Variants in PICK1 observed in about 807,000 individuals in gnomAD.
PICK1 encodes protein interacting with PRKCA 1.
Under a neutral mutation model 48.9 loss-of-function variants are expected in PICK1, and 23 were observed. The observed-to-expected ratio is 0.47, with a 90% CI of 0.34 to 0.67. The LOEUF (loss-of-function observed/expected upper bound fraction) is 0.67, where lower values mean the gene tolerates loss of function less well. Among genes scored for constraint, PICK1 ranks in the 30% least tolerant of loss-of-function variants. The pLI is 0.01. For missense variants in PICK1, 423 were observed against 557.1 expected (o/e 0.76, Z 2.42); for synonymous variants, 217 against 228.2 (o/e 0.95, Z 0.44).
chr22:38,057,992 A>G (rs376367422), intron 2 of PICK1, 142 bp downstream of exon 2: 8 of 740,160 alleles, frequency 1.1e-5, no homozygotes, highest in East Asian at 5.3e-5. Flanking sequence ...CTGCTCTCCC[A>G]GGAGCTCACT....
At chr22:38,068,731 T>C (rs1278546803) in intron 5 of PICK1, among the ~76,000 whole-genome samples, 1 of 152,196 alleles carries the variant, frequency 6.6e-6, no homozygotes, top group East Asian at 1.9e-4. Context: ...CCTCCTTGGC[T>C]TCCATTAGCC....
intron 4 of PICK1, chr22:38,067,364 C>T (rs2085554230): frequency 3.1e-6 from 1 of 319,976 alleles, no homozygotes; most frequent in South Asian, 2.5e-5. Flanking sequence ...GGCTGGAGTG[C>T]AATGGTGTGA....
At position 38,073,837 on chromosome 22, in the gene PICK1, G is replaced by C. The variant is rs1201867915; in HGVS notation, c.834+14G>C. On this transcript the variant is annotated intron_variant, in intron 11 of 12. Coordinates refer to ENST00000356976, the MANE Select transcript of PICK1 (RefSeq NM_012407.4). The surrounding 1 kb of genome is among the most constrained non-coding windows in gnomAD (Gnocchi z 5.7). ...TACAGCTGCATTGTGAGTGTTGGAG[G>C]GGGTGGGGGGCTTGTACTTCCCCCC... The C allele has an allele frequency of 1.2e-6, 2 of 1,612,634 alleles. No individual in the cohort carries two copies. The highest frequency in any genetic ancestry group is 3.3e-5 in the Admixed American group (2 of 60,004).
In PICK1 at chr22:38,074,376, C is replaced by T; in HGVS notation, c.904C>T (p.Gln302Ter). 1 of 1,613,044 alleles carries T rather than the reference C, an allele frequency of 6.2e-7. No homozygotes were observed. Among genetic ancestry groups the T allele is most frequent in the Non-Finnish European group, 8.5e-7 (1 of 1,179,970 alleles). ...GTACCGCCTGATCCTGCGCTGCCGC[C>T]AGGAGGCGCGCGCCCGCTTCTCCCA... The part of the protein sequence containing the change: ...YEYRLILRCR[Q>*]EARARFSQMR... Residue 302 changes from glutamine to a stop codon, truncating the protein, a stop_gained, in exon 12 of 13, where the codon CAG (glutamine) becomes TAG (stop). Transcript: ENST00000356976. LOFTEE classifies it high-confidence loss of function. This position sits in a 1 kb window ranked among gnomAD's most constrained non-coding sequence, Gnocchi z 4.5.
In PICK1 at chr22:38,075,521, T is replaced by G. The variant is rs1029925656; in HGVS notation, c.*389T>G. 3.3e-5 allele frequency: 7 copies of G among 210,244 alleles called. No homozygotes were observed. Among genetic ancestry groups the G allele is most frequent in the African/African-American group, 1.6e-4 (7 of 43,938 alleles). The allele number at this position is 210,244 out of a possible 1,614,324, so 13.0% of individuals were successfully genotyped here. A position where few individuals can be genotyped will look rare whatever the true frequency, so the allele number is the denominator to read the frequency against. On this transcript the variant is annotated 3_prime_UTR_variant, in exon 13 of 13. Coordinates refer to ENST00000356976, the MANE Select transcript of PICK1 (RefSeq NM_012407.4). The stretch of plus-strand genomic sequence containing the variant: ...AGCCTGCTGGGAGTGGGGCCAGCCG[T>G]GGACAGCTGAGGTTGGGGTCAATGC...
Position 38,073,392 on chromosome 22 carries a change from G to A in PICK1, c.783+300G>A, listed in dbSNP as rs971934247. Reference sequence around the variant, plus strand: ...GAGCATAAAATGGGTGTCAGTGAACGTTCGTGAGTTTTACATTTAATTATT... The same window carrying A: ...GAGCATAAAATGGGTGTCAGTGAACATTCGTGAGTTTTACATTTAATTATT... On this transcript the variant is annotated intron_variant, in intron 10 of 12. Transcript: ENST00000356976. This position sits in a 1 kb window ranked among gnomAD's most constrained non-coding sequence, Gnocchi z 5.7. 6.6e-6 allele frequency among the ~76,000 whole-genome samples: 1 copy of A among 152,228 alleles called. No individual in the cohort carries two copies. Among genetic ancestry groups the A allele is most frequent in the African/African-American group, 2.4e-5 (1 of 41,448 alleles).
chr22:38,068,580 A>G (rs1433893684), intron 5 of PICK1, among the ~76,000 whole-genome samples: 1 of 152,178 alleles, frequency 6.6e-6, no homozygotes, highest in Non-Finnish European at 1.5e-5. Flanking sequence ...GGTCAGATGC[A>G]GTAACTGAGT....
intron 4 of PICK1, among the ~76,000 whole-genome samples, chr22:38,065,947 C>T (rs1438131082): frequency 6.6e-6 from 1 of 152,106 alleles, no homozygotes; most frequent in Non-Finnish European, 1.5e-5. Context: ...TTCCATCCTC[C>T]GGGTTCTGGC....
chr22:38,075,291 G>A lies in PICK1; in HGVS notation c.*159G>A. ...CCTCGCACAGCGAACCTGGGCTCCT[G>A]CCCAGGACAGGCACCAGGGTCATGG... On this transcript the variant is annotated 3_prime_UTR_variant, in exon 13 of 13. Transcript: ENST00000356976. 1 of 691,378 alleles carries A rather than the reference G, an allele frequency of 1.4e-6. No homozygotes were observed. Among genetic ancestry groups the A allele is most frequent in the East Asian group, 2.7e-5 (1 of 36,580 alleles). The allele number at this position is 691,378 out of a possible 1,614,324, so 42.8% of individuals were successfully genotyped here. A position where few individuals can be genotyped will look rare whatever the true frequency, so the allele number is the denominator to read the frequency against.
chr22:38,065,335 G>T, intron 4 of PICK1: 1 of 570,250 alleles, frequency 1.8e-6, no homozygotes. Flanking sequence ...TCCAGGACTT[G>T]TGCTGAACCT....
rs1277590421 is a variant in PICK1 at position 38,074,304 on chromosome 22, C to CA, written c.835-2dup. 2 of 1,612,428 alleles carry CA rather than the reference C, an allele frequency of 1.2e-6. No individual in the cohort carries two copies. The highest frequency in any genetic ancestry group is 2.7e-5 in the African/African-American group (2 of 74,928). On this transcript the variant is annotated splice_polypyrimidine_tract_variant and splice_region_variant and intron_variant, in intron 11 of 12. Coordinates refer to ENST00000356976, the MANE Select transcript of PICK1 (RefSeq NM_012407.4). The surrounding 1 kb of genome is among the most constrained non-coding windows in gnomAD (Gnocchi z 4.5). ...AGGCACTCCTGTCCCACCCCCGCCC[C>CA]AGGCCCTAGGCGAGCCCCTTTACCG... is the stretch of plus-strand genomic sequence containing the variant.
Position 38,064,874 on chromosome 22 carries a change from G to A in PICK1, c.154-128G>A, listed in dbSNP as rs542894970. On this transcript the variant is annotated intron_variant, in intron 3 of 12. Transcript: ENST00000356976. ...CACTGCACTCCAGCCCGGGTGGTGA[G>A]ACGCTTTCTCAAAAAACGAGAGCAG... 542 of 1,095,652 alleles carry A rather than the reference G, an allele frequency of 4.9e-4. 1 individual carries two copies. The African/African-American group carries it at 7.7e-3, about 15-fold the overall frequency. 67.9% of individuals were successfully genotyped at this position (1,095,652 alleles called of 1,614,324 possible). A position where few individuals can be genotyped will look rare whatever the true frequency, so the allele number is the denominator to read the frequency against.
chr22:38,070,252 C>T (rs1022059410), intron 6 of PICK1, among the ~76,000 whole-genome samples: 1 of 152,246 alleles, frequency 6.6e-6, no homozygotes, highest in Non-Finnish European at 1.5e-5. Context: ...CCCTCACCAT[C>T]ACACTGCTGT....
intron 3 of PICK1, among the ~76,000 whole-genome samples, chr22:38,062,726 T>C (rs1186726374): frequency 6.6e-6 from 1 of 152,178 alleles, no homozygotes; most frequent in African/African-American, 2.4e-5. Context: ...GGATGTCAAT[T>C]TTTTGAGACC....
At position 38,057,459 on chromosome 22, in the gene PICK1, C is replaced by T; in HGVS notation, c.-186C>T. 1 of 353,824 alleles carries T rather than the reference C, an allele frequency of 2.8e-6. No homozygotes were observed. The highest frequency in any genetic ancestry group is 4.1e-5 in the Admixed American group (1 of 24,562). The allele number at this position is 353,824 out of a possible 1,614,324, so 21.9% of individuals were successfully genotyped here. On this transcript the variant is annotated 5_prime_UTR_variant, in exon 1 of 13. Transcript: ENST00000356976. The stretch of plus-strand genomic sequence containing the variant: ...CAGGTGGGTTCAGGTACCAGCCTGG[C>T]CGGGACCCGGCTGTGGGACCAACGC...
chr22:38,064,424 T>C (rs2085475752), intron 3 of PICK1, among the ~76,000 whole-genome samples: 2 of 152,192 alleles, frequency 1.3e-5, no homozygotes, highest in South Asian at 4.1e-4. Context: ...ATTGTTGAAA[T>C]GACTGTCCTT....
intron 3 of PICK1, among the ~76,000 whole-genome samples, chr22:38,064,555 A>G (rs2085479912): frequency 6.6e-6 from 1 of 151,784 alleles, no homozygotes; most frequent in African/African-American, 2.4e-5. Context: ...TGAGGTCGGG[A>G]GTTTGAGACC....
Position 38,062,544 on chromosome 22 carries a change from G to C in PICK1, c.154-2458G>C, listed in dbSNP as rs149610473. The stretch of plus-strand genomic sequence containing the variant: ...ATTACAGGCGTGAGCCACCATGCCC[G>C]GCCCCATTTTCTTCAGTCTGTTTTC... On this transcript the variant is annotated intron_variant, in intron 3 of 12. Coordinates refer to ENST00000356976, the MANE Select transcript of PICK1 (RefSeq NM_012407.4). Among the ~76,000 whole-genome samples the C allele has an allele frequency of 3.5e-3, 534 of 152,164 alleles. 2 individuals carry two copies. Among genetic ancestry groups the C allele is most frequent in the African/African-American group, 0.013 (520 of 41,528 alleles).
intron 8 of PICK1, chr22:38,072,127 C>T: frequency 4.0e-6 from 2 of 493,846 alleles, no homozygotes; most frequent in Non-Finnish European, 7.4e-6. Context: ...TGTTCCAATC[C>T]AGGTGTCTAG....
Sources: gnomAD v4.1 joint callset for allele counts (sites outside exome capture counted in the v4.1 genomes callset) on GRCh38, gnomAD v4.1.1 for gene constraint, Gnocchi (gnomAD v3.1) non-coding constraint, MANE v1.5 for transcripts, NCBI Gene and HGNC (gene_info 2026-07-23, HGNC 2026-07-21) for gene names.